ST6GALNAC3: variants seen among roughly 807,000 people sequenced by gnomAD.
ST6GALNAC3 encodes alpha-N-acetylgalactosaminide alpha-2,6-sialyltransferase 3.
In ST6GALNAC3, 25 loss-of-function variants were observed where a neutral mutation model predicts 32.7. The observed-to-expected ratio is 0.76, with a 90% CI of 0.56 to 1.07. The LOEUF (loss-of-function observed/expected upper bound fraction) is 1.07. Among genes scored for constraint, ST6GALNAC3 ranks in the 50% least tolerant of loss-of-function variants. The pLI is 0.00. For synonymous variants in ST6GALNAC3, 129 were observed against 133.1 expected, an observed-to-expected ratio of 0.97 and a Z score of 0.21; for missense variants, 355 against 382.4, an observed-to-expected ratio of 0.93 and a Z score of 0.60.
chr1:76,289,779 C>T (rs1474146184), intron 1 of ST6GALNAC3, among the ~76,000 whole-genome samples: 1 of 152,236 alleles, frequency 6.6e-6, no homozygotes, highest in Non-Finnish European at 1.5e-5. Flanking sequence ...CTGATGTAGG[C>T]TCCGCCTTAA....
At chr1:76,585,015 A>G (rs1190929252) in intron 3 of ST6GALNAC3, among the ~76,000 whole-genome samples, 1 of 152,112 alleles carries the variant, frequency 6.6e-6, no homozygotes, top group Non-Finnish European at 1.5e-5. Flanking sequence ...AAGCAGTACT[A>G]GCAAGAAATA....
intron 1 of ST6GALNAC3, among the ~76,000 whole-genome samples, chr1:76,242,904 G>A (rs150122211): frequency 0.019 from 2,910 of 152,248 alleles, 95 homozygotes; most frequent in African/African-American, 0.067. Flanking sequence ...AAATAGTGCT[G>A]CAATAAGCAT....
intron 1 of ST6GALNAC3, among the ~76,000 whole-genome samples, chr1:76,302,142 A>G (rs894222573): frequency 1.3e-5 from 2 of 152,194 alleles, no homozygotes; most frequent in East Asian, 1.9e-4. Context: ...ATTTTCAGCT[A>G]TCTAAGAATA....
chr1:76,221,229 T>C (rs1285948324), intron 1 of ST6GALNAC3, among the ~76,000 whole-genome samples: 3 of 152,170 alleles, frequency 2.0e-5, no homozygotes, highest in African/African-American at 7.2e-5. Context: ...CATAATCATG[T>C]CGCATAATTT....
chr1:76,470,100 A>T (rs1453795100), intron 3 of ST6GALNAC3, among the ~76,000 whole-genome samples: 1 of 152,116 alleles, frequency 6.6e-6, no homozygotes, highest in African/African-American at 2.4e-5. Flanking sequence ...TCTGTTCCCT[A>T]TTGATACACC....
At chr1:76,137,072 G>C (rs1649992103) in intron 1 of ST6GALNAC3, among the ~76,000 whole-genome samples, 1 of 152,218 alleles carries the variant, frequency 6.6e-6, no homozygotes, top group African/African-American at 2.4e-5. Context: ...AGTAAGAGGA[G>C]GAATTGAAAA....
chr1:76,614,718 C>CAAAAAAAAAAAAAAAA (rs55744575), intron 3 of ST6GALNAC3, among the ~76,000 whole-genome samples: 3 of 67,522 alleles, frequency 4.4e-5, no homozygotes, highest in African/African-American at 2.0e-4. Context: ...GACTCCATCT[C>CAAAAAAAAAAAAAAAA]AAAAAAAAAA....
intron 1 of ST6GALNAC3, among the ~76,000 whole-genome samples, chr1:76,115,718 C>G (rs921108739): frequency 1.3e-5 from 2 of 152,106 alleles, no homozygotes; most frequent in African/African-American, 4.8e-5. Context: ...TCCCTTATGC[C>G]TTCAGGGCTG....
chr1:76,191,674 A>G (rs939419079), intron 1 of ST6GALNAC3, among the ~76,000 whole-genome samples: 1 of 152,124 alleles, frequency 6.6e-6, no homozygotes, highest in African/African-American at 2.4e-5. Flanking sequence ...CAACTAAAAA[A>G]TAAGAAAAGA....
At chr1:76,415,620 A>C (rs191844301) in intron 3 of ST6GALNAC3, among the ~76,000 whole-genome samples, 4 of 152,194 alleles carry the variant, frequency 2.6e-5, no homozygotes, top group African/African-American at 9.6e-5. Context: ...TCCTTTTGAC[A>C]TGCCCTTAGT....
chr1:76,313,443 G>A (rs530620040), intron 1 of ST6GALNAC3, among the ~76,000 whole-genome samples: 122 of 152,194 alleles, frequency 8.0e-4, no homozygotes, highest in African/African-American at 2.9e-3. Context: ...GGATAGGTTG[G>A]GGGTCAAAGC....
intron 1 of ST6GALNAC3, among the ~76,000 whole-genome samples, chr1:76,134,468 G>A (rs1404991480): frequency 6.6e-6 from 1 of 152,232 alleles, no homozygotes; most frequent in Non-Finnish European, 1.5e-5. Flanking sequence ...CTAACATTCT[G>A]TCACTGCCAT....
At chr1:76,232,354 T>C (rs1024198699) in intron 1 of ST6GALNAC3, among the ~76,000 whole-genome samples, 5 of 152,162 alleles carry the variant, frequency 3.3e-5, no homozygotes, top group Admixed American at 3.3e-4. Context: ...GAGGGAATAG[T>C]ACTGGATGAT....
At chr1:76,382,291 T>G (rs1479017744) in intron 2 of ST6GALNAC3, among the ~76,000 whole-genome samples, 1 of 152,278 alleles carries the variant, frequency 6.6e-6, no homozygotes, top group South Asian at 2.1e-4. Context: ...ACAAATAAAC[T>G]GTAGGTTATT....
chr1:76,491,180 C>G (rs1435682609), intron 3 of ST6GALNAC3, among the ~76,000 whole-genome samples: 2 of 151,986 alleles, frequency 1.3e-5, no homozygotes, highest in Non-Finnish European at 2.9e-5. Flanking sequence ...TTTTCTTGCT[C>G]CTCACTGCCC....
intron 3 of ST6GALNAC3, among the ~76,000 whole-genome samples, chr1:76,620,592 G>C (rs975203368): frequency 2.0e-5 from 3 of 152,002 alleles, no homozygotes; most frequent in African/African-American, 7.2e-5. Context: ...TGGGAAGAGG[G>C]AGCACTCTGG....
chr1:76,181,059 C>T (rs551068128), intron 1 of ST6GALNAC3, among the ~76,000 whole-genome samples: 8 of 152,342 alleles, frequency 5.3e-5, no homozygotes, highest in African/African-American at 1.9e-4. Flanking sequence ...AGGCTCCCAT[C>T]CCTGGACGCT....
At chr1:76,353,407 C>G (rs1226845760) in intron 2 of ST6GALNAC3, among the ~76,000 whole-genome samples, 1 of 152,144 alleles carries the variant, frequency 6.6e-6, no homozygotes, top group Non-Finnish European at 1.5e-5. Flanking sequence ...ATTGAGTTGC[C>G]CTGCCCAACT....
At chr1:76,391,750 T>C (rs1039090388) in intron 2 of ST6GALNAC3, among the ~76,000 whole-genome samples, 8 of 152,118 alleles carry the variant, frequency 5.3e-5, no homozygotes, top group Admixed American at 2.6e-4. Flanking sequence ...CTCCATCTAG[T>C]TTTCATCAGA....
Sources: gnomAD v4.1 joint callset for allele counts (sites outside exome capture counted in the v4.1 genomes callset) on GRCh38, gnomAD v4.1.1 for gene constraint, MANE v1.5 for transcripts, NCBI Gene and HGNC (gene_info 2026-07-23, HGNC 2026-07-21) for gene names.